POLE: variants seen among roughly 807,000 people sequenced by gnomAD.
The protein encoded by POLE is DNA polymerase epsilon catalytic subunit A.
POLE carries 188 observed loss-of-function variants against 279.2 expected under a neutral mutation model. The observed-to-expected ratio is 0.67, with a 90% CI of 0.60 to 0.76. POLE has a LOEUF of 0.76. POLE is among the 30% of genes least tolerant of loss of function. The pLI, the probability that POLE is intolerant of heterozygous loss-of-function variation, is 0.00. For synonymous variants in POLE, 1,214 were observed against 1,172.5 expected (o/e 1.04, Z -0.72); for missense variants, 2,703 against 3,016.7 (o/e 0.90, Z 2.44).
At position 132,664,112 on chromosome 12, in the gene POLE, G is replaced by A. The variant is rs765653117; in HGVS notation, c.2598C>T (p.Cys866=). The change falls in exon 23 of 49, where the codon TGC becomes TGT. Residue 866 remains cysteine (C), a synonymous_variant. Coordinates refer to ENST00000320574, the MANE Select transcript of POLE (RefSeq NM_006231.4). The surrounding 1 kb of genome is among the most constrained non-coding windows in gnomAD (Gnocchi z 5.3). ...PLELDTDGIW[C]VLPNSFPENF... ...TTTCTGGGAAGCTGTTGGGCAGGAC[G>A]CACCATATACCATCTGTGTCCAGCT... 23 of 1,614,032 alleles carry A rather than the reference G, an allele frequency of 1.4e-5. No homozygotes were observed. The highest frequency in any genetic ancestry group is 1.6e-4 in the Middle Eastern group (1 of 6,084).
chr12:132,673,541 G>A (rs1380870616), intron 13 of POLE, 34 bp downstream of exon 13: 8 of 1,593,128 alleles, frequency 5.0e-6, no homozygotes, highest in African/African-American at 4.0e-5. Flanking sequence ...GCGTGCACAC[G>A]GCAGCAGGGG....
chr12:132,672,933 A>T, intron 14 of POLE, 94 bp from the exon 15 acceptor site: 1 of 1,172,556 alleles, frequency 8.5e-7, no homozygotes, highest in Admixed American at 2.1e-5. Context: ...TTCAGTGTGA[A>T]AGGAGAGAAA....
At position 132,624,669 on chromosome 12, in the gene POLE, C is replaced by A; in HGVS notation, c.*28G>T. 1 of 1,360,662 alleles carries A rather than the reference C, an allele frequency of 7.3e-7. No homozygotes were observed. The highest frequency in any genetic ancestry group is 1.1e-6 in the Non-Finnish European group (1 of 950,012). The allele number at this position is 1,360,662 out of a possible 1,614,324, so 84.3% of individuals were successfully genotyped here. A position where few individuals can be genotyped will look rare whatever the true frequency, so the allele number is the denominator to read the frequency against. ...TTGGCATCAGGAGGCCTGGCACGGA[C>A]GCAGAGGCACCCGGGGCCCGGGGCT... is the stretch of plus-strand genomic sequence containing the variant. On this transcript the variant is annotated 3_prime_UTR_variant, in exon 49 of 49. Coordinates refer to ENST00000320574, the MANE Select transcript of POLE (RefSeq NM_006231.4).
rs189548376 is a variant in POLE, at chr12:132,649,934, C to T, written c.3583-45G>A. The T allele has an allele frequency of 5.8e-5, 90 of 1,557,376 alleles. No individual in the cohort carries two copies. Among genetic ancestry groups the T allele is most frequent in the East Asian group, 3.6e-4 (16 of 44,348 alleles). On this transcript the variant is annotated intron_variant, in intron 29 of 48. Coordinates refer to ENST00000320574, the MANE Select transcript of POLE (RefSeq NM_006231.4). The stretch of plus-strand genomic sequence containing the variant: ...CCTTAAATCTCAGGATCTCGGGCTG[C>T]GCAGGGTGGCTCATGCCTGGAATGC...
Position 132,661,664 on chromosome 12 carries a change from C to T in POLE, c.2727G>A (p.Gln909=), listed in dbSNP as rs1555226055. The change falls in exon 24 of 49, where the codon CAG becomes CAA. Residue 909 remains glutamine, a synonymous_variant. Transcript: ENST00000320574. The surrounding 1 kb of genome is among the most constrained non-coding windows in gnomAD (Gnocchi z 4.1). The part of the protein sequence containing the change: ...IMVKEGFTND[Q]YQELAEPSSL... ...AGGACGGCTCAGCCAGCTCCTGGTACTGGTCATTGGTGAAGCCTTCCTGAG... is the reference window on the plus strand; with the variant it reads ...AGGACGGCTCAGCCAGCTCCTGGTATTGGTCATTGGTGAAGCCTTCCTGAG... 1.2e-6 allele frequency: 2 copies of T among 1,614,134 alleles called. No homozygotes were observed. The highest frequency in any genetic ancestry group is 8.5e-7 in the Non-Finnish European group (1 of 1,179,998).
rs2042771973 is a variant in POLE, at chr12:132,665,389, C to T, written c.2381G>A (p.Cys794Tyr). ...EVGDAAEVKR[C>Y]KNMEVLYDSL... ...GTCATACAGCACCTCCATGTTCTTG[C>T]AGCGCTTCACCTCAGCCGCGTCGCC... Residue 794 changes from cysteine to tyrosine, a missense_variant, in exon 21 of 49, where the codon TGC becomes TAC. Cys to Tyr is a radical substitution (Grantham distance 194, BLOSUM62 -2). Transcript: ENST00000320574. 1 of 1,613,848 alleles carries T rather than the reference C, an allele frequency of 6.2e-7. No individual in the cohort carries two copies. The highest frequency in any genetic ancestry group is 1.1e-5 in the South Asian group (1 of 91,088).
chr12:132,666,182 C>T (rs1348615001), intron 20 of POLE, among the ~76,000 whole-genome samples: 1 of 152,166 alleles, frequency 6.6e-6, no homozygotes, highest in African/African-American at 2.4e-5. Context: ...CCCAAGTGCA[C>T]GTCGGTGTAT....
intron 5 of POLE, 91 bp downstream of exon 5, chr12:132,679,863 G>C (rs923796745): frequency 3.8e-6 from 4 of 1,058,392 alleles, no homozygotes; most frequent in Non-Finnish European, 5.6e-6. Flanking sequence ...CCCAACAGAT[G>C]ACCTGAATTT....
At chr12:132,669,361 C>T (rs965314316) in intron 16 of POLE, among the ~76,000 whole-genome samples, 4 of 151,696 alleles carry the variant, frequency 2.6e-5, no homozygotes, top group Non-Finnish European at 5.9e-5. Flanking sequence ...CTACTCGGAA[C>T]GCTGGGGTGG....
Position 132,659,524 on chromosome 12 carries a change from T to C in POLE, c.3061-15A>G, listed in dbSNP as rs754528052. On this transcript the variant is annotated splice_polypyrimidine_tract_variant and intron_variant, in intron 25 of 48. Transcript: ENST00000320574. Reference sequence around the variant, plus strand: ...ATGTTGGCTGCCTAGAGAAAGACAATGGGTAAAACACTGCAGAAATCAAGG... The same window carrying C: ...ATGTTGGCTGCCTAGAGAAAGACAACGGGTAAAACACTGCAGAAATCAAGG... 23 of 1,607,564 alleles carry C rather than the reference T, an allele frequency of 1.4e-5. No homozygotes were observed. The African/African-American group carries it at 1.7e-4, about 12-fold the overall frequency.
rs767191767 is a variant in POLE at position 132,643,923 on chromosome 12, C to T, written c.4204G>A (p.Val1402Met). Residue 1402 changes from valine (V) to methionine (M), a missense_variant, in exon 33 of 49, where the codon GTG (valine) becomes ATG (methionine). Around this residue, in one of 5 missense-constraint regions of POLE, gnomAD observed 1,551 missense variants for 1,686.1 expected, o/e 0.92. Coordinates refer to ENST00000320574, the MANE Select transcript of POLE (RefSeq NM_006231.4). ...TGTTCCTGGTACATGTCCTCTGGCACTGAATACTCATAGAGATTGTAGACC... is the reference window on the plus strand; with the variant it reads ...TGTTCCTGGTACATGTCCTCTGGCATTGAATACTCATAGAGATTGTAGACC... Reference protein sequence around the residue: ...NMVYNLYEYSVPEDMYQEHIN... With the variant: ...NMVYNLYEYSMPEDMYQEHIN... 1.2e-6 allele frequency: 2 copies of T among 1,614,160 alleles called. No individual in the cohort carries two copies. Among genetic ancestry groups the T allele is most frequent in the East Asian group, 2.2e-5 (1 of 44,884 alleles).
chr12:132,627,133 T>C (rs2041855400), intron 45 of POLE, among the ~76,000 whole-genome samples: 1 of 152,062 alleles, frequency 6.6e-6, no homozygotes, highest in South Asian at 2.1e-4. Context: ...ATACAAAAAT[T>C]GGCTGGGCAT....
intron 1 of POLE, among the ~76,000 whole-genome samples, chr12:132,686,280 C>CT (rs1460509424): frequency 6.6e-6 from 1 of 151,034 alleles, no homozygotes; most frequent in Non-Finnish European, 1.5e-5. Context: ...TTTTTTGAGA[C>CT]TGGGTCTGGC....
chr12:132,630,547 C>T (rs1383641494), intron 45 of POLE, among the ~76,000 whole-genome samples: 1 of 152,036 alleles, frequency 6.6e-6, no homozygotes, highest in African/African-American at 2.4e-5. Flanking sequence ...GTCAGGAGTT[C>T]GAGACCAGCC....
Position 132,624,578 on chromosome 12 carries a change from G to A in POLE, c.*119C>T. The A allele has an allele frequency of 1.3e-6, 1 of 743,050 alleles. No individual in the cohort carries two copies. The highest frequency in any genetic ancestry group is 2.5e-6 in the Non-Finnish European group (1 of 403,742). 46.0% of individuals were successfully genotyped at this position (743,050 alleles called of 1,614,324 possible). A position where few individuals can be genotyped will look rare whatever the true frequency, so the allele number is the denominator to read the frequency against. On this transcript the variant is annotated 3_prime_UTR_variant, in exon 49 of 49. Transcript: ENST00000320574. ...TGGTTTCCTCCCCGTTCCCTGGCCT[G>A]GGGTCACAGGTTTGGACAGTCAGGG...
intron 29 of POLE, among the ~76,000 whole-genome samples, chr12:132,656,099 TA>T (rs963788151): frequency 3.3e-5 from 5 of 150,420 alleles, no homozygotes; most frequent in Admixed American, 3.3e-4. Context: ...AGAAAAAAAT[TA>T]AAAAAATAAA....
chr12:132,653,632 A>C (rs2138635946), intron 29 of POLE, among the ~76,000 whole-genome samples: 1 of 152,350 alleles, frequency 6.6e-6, no homozygotes. Flanking sequence ...GTAAATAATA[A>C]GTTGATGTCT....
intron 1 of POLE, among the ~76,000 whole-genome samples, chr12:132,681,848 C>T (rs1031374867): frequency 6.6e-6 from 1 of 152,184 alleles, no homozygotes; most frequent in Admixed American, 6.5e-5. Flanking sequence ...GACGCGGTGG[C>T]TCATGAGAGT....
rs1269151305 is a variant in POLE at position 132,655,764 on chromosome 12, T to C, written c.3582+1372A>G. On this transcript the variant is annotated intron_variant, in intron 29 of 48. Coordinates refer to ENST00000320574, the MANE Select transcript of POLE (RefSeq NM_006231.4). ...TAAAGAGTATTTTGTCTGGTATTAA[T>C]ACAGCCACATCAGCTTTCTTTTGGT... is the stretch of plus-strand genomic sequence containing the variant. Among the ~76,000 whole-genome samples, 9 of 152,350 alleles carry C rather than the reference T, an allele frequency of 5.9e-5. No individual in the cohort carries two copies. The Middle Eastern group carries it at 0.01, about 173-fold the overall frequency.
Sources: allele counts gnomAD v4.1 joint callset (sites outside exome capture counted in the v4.1 genomes callset), GRCh38; gene constraint gnomAD v4.1.1; regional missense constraint gnomAD v4.1.1; non-coding constraint Gnocchi (gnomAD v3.1); transcripts MANE v1.5; gene names NCBI Gene and HGNC (gene_info 2026-07-23, HGNC 2026-07-21).